The following TEC variants were observed in gnomAD, a reference collection of about 807,000 sequenced individuals.
The protein encoded by TEC is tec protein tyrosine kinase, also known as tyrosine-protein kinase Tec.
A neutral mutation model predicts 93.0 loss-of-function variants in TEC; 72 were observed. That is an observed-to-expected ratio of 0.77 (90% CI 0.64 to 0.94). TEC has a LOEUF of 0.94. Ranked by LOEUF, TEC falls within the 40% of genes least tolerant of loss-of-function variation. The pLI is 0.00. For missense variants in TEC, 630 were observed against 757.9 expected (o/e 0.83, Z 1.98); for synonymous variants, 249 against 247.7 (o/e 1.01, Z -0.05).
intron 2 of TEC, among the ~76,000 whole-genome samples, chr4:48,212,381 C>T (rs1397055433): frequency 1.3e-5 from 2 of 151,934 alleles, no homozygotes; most frequent in African/African-American, 2.4e-5. Flanking sequence ...TAAGGAAGTC[C>T]CCCTTTGTGG....
At chr4:48,203,972 G>A (rs1420028979) in intron 2 of TEC, among the ~76,000 whole-genome samples, 1 of 152,174 alleles carries the variant, frequency 6.6e-6, no homozygotes, top group Non-Finnish European at 1.5e-5. Flanking sequence ...TCCTGTGCAG[G>A]CACTGGGGGA....
intron 9 of TEC, among the ~76,000 whole-genome samples, chr4:48,153,838 C>T: frequency 6.6e-6 from 1 of 152,172 alleles, no homozygotes; most frequent in Non-Finnish European, 1.5e-5. Context: ...GCAAGGCATA[C>T]ACAAGGGAAT....
At chr4:48,263,245 C>T (rs574209728) in intron 1 of TEC, among the ~76,000 whole-genome samples, 9 of 152,138 alleles carry the variant, frequency 5.9e-5, no homozygotes, top group African/African-American at 2.2e-4. Flanking sequence ...ATAAACTGGC[C>T]TCCAGAAGGA....
chr4:48,262,982 C>T (rs985737564), intron 1 of TEC, among the ~76,000 whole-genome samples: 23 of 152,312 alleles, frequency 1.5e-4, no homozygotes, highest in Non-Finnish European at 2.9e-4. Context: ...GAAACTGACT[C>T]TTGTCATCAT....
At chr4:48,187,147 T>C (rs1214222207) in intron 2 of TEC, among the ~76,000 whole-genome samples, 1 of 152,212 alleles carries the variant, frequency 6.6e-6, no homozygotes, top group East Asian at 1.9e-4. Context: ...CCCGGTGCTC[T>C]CTGAAACATG....
At chr4:48,150,809 A>G in intron 10 of TEC, 54 bp downstream of exon 10, 1 of 1,297,176 alleles carries the variant, frequency 7.7e-7, no homozygotes, top group Admixed American at 2.5e-5. Context: ...TAAACTACAT[A>G]GGAAGTTCAT....
chr4:48,176,737 C>T (rs1432264226), intron 2 of TEC, among the ~76,000 whole-genome samples: 1 of 152,126 alleles, frequency 6.6e-6, no homozygotes, highest in Non-Finnish European at 1.5e-5. Flanking sequence ...AAATACATAA[C>T]TCCAGAACAG....
chr4:48,170,983 G>A (rs928242143), intron 4 of TEC, among the ~76,000 whole-genome samples: 3 of 151,174 alleles, frequency 2.0e-5, no homozygotes, highest in East Asian at 2.0e-4. Flanking sequence ...CCCAGGAGGC[G>A]GAGATTGCAG....
intron 2 of TEC, among the ~76,000 whole-genome samples, chr4:48,183,456 G>C (rs747712622): frequency 1.3e-5 from 2 of 152,338 alleles, no homozygotes; most frequent in Non-Finnish European, 1.5e-5. Context: ...GAGTAAAGAA[G>C]ATCCACCTCT....
chr4:48,153,601 C>T (rs80105690), intron 9 of TEC: 7,496 of 152,174 alleles, frequency 0.049, 241 homozygotes, highest in Middle Eastern at 0.12. Context: ...TATTCTACTG[C>T]TCAAAGTCAT....
chr4:48,182,487 A>C (rs964010186), intron 2 of TEC, among the ~76,000 whole-genome samples: 1 of 151,696 alleles, frequency 6.6e-6, no homozygotes. Context: ...AGTGGATACT[A>C]ATTCAACAGT....
intron 1 of TEC, among the ~76,000 whole-genome samples, chr4:48,237,358 T>C (rs562046719): frequency 1.3e-5 from 2 of 151,284 alleles, no homozygotes; most frequent in African/African-American, 4.9e-5. Context: ...TAATAATTTT[T>C]AAAAAAATAG....
At chr4:48,241,786 G>C (rs990828897) in intron 1 of TEC, among the ~76,000 whole-genome samples, 1 of 151,856 alleles carries the variant, frequency 6.6e-6, no homozygotes, top group African/African-American at 2.4e-5. Context: ...TCTTATCCTC[G>C]TCAATTTTCT....
intron 1 of TEC, among the ~76,000 whole-genome samples, chr4:48,248,510 C>T (rs539438112): frequency 2.6e-5 from 4 of 152,254 alleles, no homozygotes; most frequent in East Asian, 3.9e-4. Flanking sequence ...AGCGTCAGTA[C>T]GGGAGGTGAC....
chr4:48,153,726 T>C (rs376869336), intron 9 of TEC, among the ~76,000 whole-genome samples: 3 of 152,124 alleles, frequency 2.0e-5, no homozygotes, highest in East Asian at 3.8e-4. Context: ...ATGGTCTAAC[T>C]GCGGGACACA....
intron 2 of TEC, among the ~76,000 whole-genome samples, chr4:48,227,663 T>C (rs2457409): frequency 0.19 from 25,465 of 133,040 alleles, 3,865 homozygotes; most frequent in African/African-American, 0.42. Flanking sequence ...AAAAAAAAAC[T>C]AAACCAGGAT....
intron 1 of TEC, among the ~76,000 whole-genome samples, chr4:48,261,676 G>T (rs1279537370): frequency 6.6e-6 from 1 of 152,082 alleles, no homozygotes; most frequent in African/African-American, 2.4e-5. Context: ...AAAAGGAGTA[G>T]GATACTTGAC....
chr4:48,233,760 T>C (rs574100741), intron 1 of TEC, among the ~76,000 whole-genome samples: 256 of 144,974 alleles, frequency 1.8e-3, no homozygotes, highest in Non-Finnish European at 3.1e-3. Context: ...AAAAATAAAA[T>C]GACAGAACTT....
chr4:48,179,155 C>A (rs12499541), intron 2 of TEC, among the ~76,000 whole-genome samples: 64,177 of 151,184 alleles, frequency 0.42, 15,404 homozygotes, highest in East Asian at 0.9. Context: ...GACAATAGGA[C>A]AAGCTCATTT....
Sources: allele counts gnomAD v4.1 joint callset (sites outside exome capture counted in the v4.1 genomes callset), GRCh38; gene constraint gnomAD v4.1.1; transcripts MANE v1.5; gene names NCBI Gene and HGNC (gene_info 2026-07-23, HGNC 2026-07-21).